ALCAM: variants seen among roughly 807,000 people sequenced by gnomAD.
The protein encoded by ALCAM is activated leukocyte cell adhesion molecule, also known as CD166 antigen.
A neutral mutation model predicts 70.9 loss-of-function variants in ALCAM; 30 were observed. That is an observed-to-expected ratio of 0.42 (90% CI 0.32 to 0.57). The LOEUF (loss-of-function observed/expected upper bound fraction) is 0.57, where lower values mean the gene tolerates loss of function less well. Ranked by LOEUF, ALCAM falls within the 20% of genes least tolerant of loss-of-function variation. The pLI is 0.11. For synonymous variants in ALCAM, 249 were observed against 242.5 expected (o/e 1.03, Z -0.25); for missense variants, 591 against 695.1 (o/e 0.85, Z 1.68).
At chr3:105,524,707 G>T in intron 3 of ALCAM, 199 bp downstream of exon 3, 1 of 1,325,688 alleles carries the variant, frequency 7.5e-7, no homozygotes, top group Non-Finnish European at 9.6e-7. Flanking sequence ...TAGGAGATTT[G>T]CAGTGAGGAA....
chr3:105,525,452 A>G, intron 3 of ALCAM: 1 of 704,688 alleles, frequency 1.4e-6, no homozygotes, highest in Non-Finnish European at 1.7e-6. Flanking sequence ...ACAGGTCTCA[A>G]AAGTTTCAGA....
At chr3:105,419,233 G>T (rs925063322) in intron 1 of ALCAM, among the ~76,000 whole-genome samples, 1 of 151,686 alleles carries the variant, frequency 6.6e-6, no homozygotes, top group Non-Finnish European at 1.5e-5. Context: ...TGAGGCCAAA[G>T]GAATTGAATT....
intron 1 of ALCAM, among the ~76,000 whole-genome samples, chr3:105,469,311 T>C (rs1251665328): frequency 6.6e-6 from 1 of 151,232 alleles, no homozygotes; most frequent in East Asian, 1.9e-4. Context: ...CAGTTCAGAG[T>C]TCTGCTAGAT....
intron 1 of ALCAM, among the ~76,000 whole-genome samples, chr3:105,472,573 C>T (rs763666732): frequency 6.6e-6 from 1 of 151,450 alleles, no homozygotes; most frequent in Admixed American, 6.6e-5. Flanking sequence ...CAAAGAAAAA[C>T]AATGTGACAA....
intron 1 of ALCAM, among the ~76,000 whole-genome samples, chr3:105,484,570 C>T (rs996887872): frequency 1.3e-5 from 2 of 151,946 alleles, no homozygotes; most frequent in Admixed American, 1.3e-4. Context: ...AAAATATTTA[C>T]CAAAACTCAA....
At chr3:105,566,073 C>A (rs2152635159) in intron 14 of ALCAM, among the ~76,000 whole-genome samples, 1 of 152,270 alleles carries the variant, frequency 6.6e-6, no homozygotes, top group South Asian at 2.1e-4. Context: ...ACCTGTTGTC[C>A]AATGACAGAA....
intron 1 of ALCAM, among the ~76,000 whole-genome samples, chr3:105,384,912 C>G (rs1057236462): frequency 1.3e-5 from 2 of 151,382 alleles, no homozygotes; most frequent in Non-Finnish European, 3.0e-5. Context: ...GCCAAGTAAA[C>G]AAGACTTTCT....
At chr3:105,482,371 A>G (rs77848012) in intron 1 of ALCAM, among the ~76,000 whole-genome samples, 2,000 of 152,226 alleles carry the variant, frequency 0.013, 33 homozygotes, top group African/African-American at 0.044. Context: ...CTTGGACTCC[A>G]ACTGCTGAGA....
At chr3:105,563,940 G>T (rs2152634734) in intron 14 of ALCAM, among the ~76,000 whole-genome samples, 1 of 151,552 alleles carries the variant, frequency 6.6e-6, no homozygotes, top group African/African-American at 2.4e-5. Context: ...ACCCGCCTCG[G>T]CCTCCCAAAG....
At chr3:105,533,720 A>G (rs1450367235) in intron 5 of ALCAM, 30 bp downstream of exon 5, 12 of 1,584,732 alleles carry the variant, frequency 7.6e-6, no homozygotes, top group Non-Finnish European at 1.0e-5. Context: ...GACAGGGAGT[A>G]CATTCAGAGG....
chr3:105,391,525 A>T (rs1935817684), intron 1 of ALCAM, among the ~76,000 whole-genome samples: 2 of 152,102 alleles, frequency 1.3e-5, no homozygotes. Flanking sequence ...GGATCATGTC[A>T]TCTGCAAAGA....
intron 14 of ALCAM, among the ~76,000 whole-genome samples, chr3:105,568,061 TTA>T (rs199624366): frequency 0.11 from 11,778 of 111,980 alleles, 588 homozygotes; most frequent in East Asian, 0.2. Context: ...TTATTTTATT[TTA>T]TTTTTTTTTT....
intron 1 of ALCAM, among the ~76,000 whole-genome samples, chr3:105,419,149 C>T (rs1366290486): frequency 6.9e-6 from 1 of 145,252 alleles, no homozygotes; most frequent in Non-Finnish European, 1.5e-5. Flanking sequence ...AATAAATTCC[C>T]CCATAATTTA....
chr3:105,463,540 T>G (rs1937634576), intron 1 of ALCAM, among the ~76,000 whole-genome samples: 1 of 151,454 alleles, frequency 6.6e-6, no homozygotes, highest in South Asian at 2.1e-4. Flanking sequence ...TTGTTAAATT[T>G]TTGCTTTGCA....
rs1325906316 is a variant in ALCAM, at chr3:105,550,177, T to C, written c.1425T>C (p.Ile475=). 4 of 1,601,240 alleles carry C rather than the reference T, an allele frequency of 2.5e-6. No homozygotes were observed. In the South Asian group the frequency reaches 4.4e-5, roughly 18 times the overall value. Residue 475 remains isoleucine (I), a synonymous_variant, in exon 12 of 16, where the codon ATT becomes ATC. Coordinates refer to ENST00000306107, the MANE Select transcript of ALCAM (RefSeq NM_001627.4). The part of the protein sequence containing the change: ...INGRYYSKII[I]SPEENVTLTC... ...GCAGGTATTATAGTAAAATTATCAT[T>C]TCCCCTGAAGAGAATGTTACATTAA...
intron 1 of ALCAM, among the ~76,000 whole-genome samples, chr3:105,425,008 C>T (rs1204294450): frequency 6.6e-6 from 1 of 151,556 alleles, no homozygotes; most frequent in African/African-American, 2.4e-5. Flanking sequence ...GCATGAAGGT[C>T]CTTACTCTCA....
At chr3:105,480,220 C>T (rs1361701056) in intron 1 of ALCAM, among the ~76,000 whole-genome samples, 3 of 151,850 alleles carry the variant, frequency 2.0e-5, no homozygotes, top group Non-Finnish European at 4.4e-5. Context: ...CGTGGTGGCA[C>T]GTGCCTATAA....
At chr3:105,504,692 TC>T (rs1305692904) in intron 1 of ALCAM, among the ~76,000 whole-genome samples, 1 of 152,202 alleles carries the variant, frequency 6.6e-6, no homozygotes, top group Non-Finnish European at 1.5e-5. Flanking sequence ...CCTGTGTGTC[TC>T]TGCCTGCTAG....
chr3:105,423,026 T>C (rs1936706676), intron 1 of ALCAM, among the ~76,000 whole-genome samples: 1 of 151,540 alleles, frequency 6.6e-6, no homozygotes, highest in African/African-American at 2.4e-5. Context: ...GTTCCCATTG[T>C]TAGCAGTGAA....
Sources: gnomAD v4.1 joint callset for allele counts (sites outside exome capture counted in the v4.1 genomes callset) on GRCh38, gnomAD v4.1.1 for gene constraint, MANE v1.5 for transcripts, NCBI Gene and HGNC (gene_info 2026-07-23, HGNC 2026-07-21) for gene names.